PDZRN3: variants seen among roughly 807,000 people sequenced by gnomAD.
PDZRN3 encodes the protein PDZ domain containing ring finger 3, also known as E3 ubiquitin-protein ligase PDZRN3.
A neutral mutation model predicts 85.7 loss-of-function variants in PDZRN3; 38 were observed. The observed-to-expected ratio is 0.44, with a 90% CI of 0.34 to 0.58. PDZRN3 has a LOEUF of 0.58. Ranked by LOEUF, PDZRN3 falls within the 20% of genes least tolerant of loss-of-function variation. The probability of loss-of-function intolerance (pLI) is 0.01; values close to 1 mark genes in which losing one functional copy is unlikely to be tolerated. For missense variants in PDZRN3, 1,629 were observed against 1,506.4 expected (o/e 1.08, Z -1.35); for synonymous variants, 759 against 638.0 (o/e 1.19, Z -2.86).
chr3:73,624,788 T>G lies in PDZRN3; in HGVS notation c.38A>C (p.Asp13Ala). 7.1e-7 allele frequency: 1 copy of G among 1,407,490 alleles called. No homozygotes were observed. The highest frequency in any genetic ancestry group is 9.2e-7 in the Non-Finnish European group (1 of 1,083,546). The allele number at this position is 1,407,490 out of a possible 1,614,324, so 87.2% of individuals were successfully genotyped here. ...GCACAGCGCGCACTTCAGGTCCGGG[T>G]CCACGTCGCCGTCGAAGCGGTCCAG... ...FELDRFDGDV[D>A]PDLKCALCHK... is the part of the protein sequence containing the mutation. Residue 13 changes from aspartate (D) to alanine (A), a missense_variant, in exon 1 of 10, where the codon GAC (aspartate) becomes GCC (alanine). Asp to Ala is a moderately radical substitution (Grantham distance 126). Coordinates refer to ENST00000263666, the MANE Select transcript of PDZRN3 (RefSeq NM_015009.3).
chr3:73,489,067 G>A (rs1703719543), intron 3 of PDZRN3, among the ~76,000 whole-genome samples: 2 of 152,334 alleles, frequency 1.3e-5, no homozygotes, highest in South Asian at 4.1e-4. Flanking sequence ...AGGCCCTTGG[G>A]ATGGGGGAGA....
intron 3 of PDZRN3, among the ~76,000 whole-genome samples, chr3:73,545,676 G>A (rs1701405808): frequency 6.6e-6 from 1 of 152,208 alleles, no homozygotes; most frequent in Non-Finnish European, 1.5e-5. Flanking sequence ...CCAGTTTTGA[G>A]ACTCTATCAA....
chr3:73,593,709 T>TATACACACAC (rs1246145951), intron 3 of PDZRN3, among the ~76,000 whole-genome samples: 78 of 141,932 alleles, frequency 5.5e-4, no homozygotes, highest in Middle Eastern at 3.6e-3. Flanking sequence ...GAAATAAATA[T>TATACACACAC]ACACACACAC....
intron 3 of PDZRN3, among the ~76,000 whole-genome samples, chr3:73,460,589 T>C (rs1703083176): frequency 6.6e-6 from 1 of 152,234 alleles, no homozygotes; most frequent in Non-Finnish European, 1.5e-5. Flanking sequence ...AAATGTGGCC[T>C]CACCATTTTC....
At chr3:73,448,100 C>T (rs531046975) in intron 3 of PDZRN3, among the ~76,000 whole-genome samples, 3 of 152,316 alleles carry the variant, frequency 2.0e-5, no homozygotes, top group South Asian at 4.1e-4. Flanking sequence ...CCAAAAACAT[C>T]CTTCTCTTTC....
chr3:73,383,947 G>T lies in PDZRN3; in HGVS notation c.2619C>A (p.Ile873=), dbSNP rs751807250. Residue 873 remains isoleucine (I), a synonymous_variant, in exon 10 of 10, where the codon ATC becomes ATA. Transcript: ENST00000263666. ...YHHSPYKHAH[I]PAHAQHYQSY... ...TCTGGTAGTGCTGGGCGTGCGCCGG[G>T]ATGTGCGCGTGCTTGTATGGGGAGT... 3 of 1,603,880 alleles carry T rather than the reference G, an allele frequency of 1.9e-6. No homozygotes were observed. Among genetic ancestry groups the T allele is most frequent in the Middle Eastern group, 1.7e-4 (1 of 6,022 alleles).
Position 73,384,354 on chromosome 3 carries a change from G to A in PDZRN3, c.2212C>T (p.His738Tyr), listed in dbSNP as rs1208500885. ...NYNTSIDVRRHELSDITELPE... is the reference protein window; with the variant it reads ...NYNTSIDVRRYELSDITELPE... The stretch of plus-strand genomic sequence containing the variant: ...AGCTCGGTGATATCTGAGAGCTCGT[G>A]TCTGCGCACGTCGATGCTGGTGTTG... Residue 738 changes from histidine to tyrosine, a missense_variant, in exon 10 of 10, where the codon CAC (histidine) becomes TAC (tyrosine). Coordinates refer to ENST00000263666, the MANE Select transcript of PDZRN3 (RefSeq NM_015009.3). The A allele has an allele frequency of 1.2e-6, 2 of 1,609,582 alleles. No individual in the cohort carries two copies. The highest frequency in any genetic ancestry group is 1.7e-5 in the Admixed American group (1 of 60,012).
At chr3:73,399,029 A>G (rs1701696998) in intron 5 of PDZRN3, among the ~76,000 whole-genome samples, 1 of 152,162 alleles carries the variant, frequency 6.6e-6, no homozygotes. Context: ...GGCTCAGTGA[A>G]TCTCCTGAAA....
Position 73,389,830 on chromosome 3 carries a change from C to T in PDZRN3, c.1402G>A (p.Asp468Asn). Residue 468 changes from aspartate (D) to asparagine (N), a missense_variant, in exon 7 of 10, where the codon GAC becomes AAC. Asp to Asn is a conservative substitution (Grantham distance 23). Coordinates refer to ENST00000263666, the MANE Select transcript of PDZRN3 (RefSeq NM_015009.3). ...AGTGGACTTACCTGGATAATGCGGTCTCCTTCTCGGATGCGCCCATCCTTG... is the reference window on the plus strand; with the variant it reads ...AGTGGACTTACCTGGATAATGCGGTTTCCTTCTCGGATGCGCCCATCCTTG... ...AAKDGRIREGDRIIQINGIEV... is the reference protein window; with the variant it reads ...AAKDGRIREGNRIIQINGIEV... The T allele has an allele frequency of 6.2e-7, 1 of 1,613,378 alleles. No individual in the cohort carries two copies. The highest frequency in any genetic ancestry group is 8.5e-7 in the Non-Finnish European group (1 of 1,179,302).
chr3:73,464,840 A>T (rs369474190), intron 3 of PDZRN3, among the ~76,000 whole-genome samples: 14 of 152,130 alleles, frequency 9.2e-5, no homozygotes, highest in African/African-American at 3.1e-4. Flanking sequence ...TAATATATGC[A>T]TTACCTATCA....
At chr3:73,393,478 A>AT (rs1553683469) in intron 5 of PDZRN3, among the ~76,000 whole-genome samples, 18 of 152,354 alleles carry the variant, frequency 1.2e-4, no homozygotes, top group African/African-American at 4.1e-4. Context: ...CATGATTAGC[A>AT]GACTTGTCTC....
In PDZRN3 at chr3:73,527,369, T is replaced by C. The variant is rs554386679; in HGVS notation, c.918+74985A>G. 2.0e-5 allele frequency among the ~76,000 whole-genome samples: 3 copies of C among 152,302 alleles called. No individual in the cohort carries two copies. The South Asian group carries it at 6.2e-4, about 32-fold the overall frequency. On this transcript the variant is annotated intron_variant, in intron 3 of 9. Coordinates refer to ENST00000263666, the MANE Select transcript of PDZRN3 (RefSeq NM_015009.3). ...TATACTTCATCCTAGATCTTATCAA[T>C]TCAATATTGAAAATCCATTAGAAAC...
At chr3:73,460,639 T>C (rs759964698) in intron 3 of PDZRN3, among the ~76,000 whole-genome samples, 13 of 152,196 alleles carry the variant, frequency 8.5e-5, no homozygotes, top group South Asian at 6.2e-4. Context: ...AGTTATAGCA[T>C]TGAATATAGC....
intron 3 of PDZRN3, among the ~76,000 whole-genome samples, chr3:73,427,968 G>A (rs1170481552): frequency 1.3e-5 from 2 of 152,086 alleles, no homozygotes; most frequent in African/African-American, 4.8e-5. Context: ...TCCAGGGAGA[G>A]GGACATTTAA....
intron 1 of PDZRN3, among the ~76,000 whole-genome samples, chr3:73,611,718 C>A (rs1402322947): frequency 6.6e-6 from 1 of 152,182 alleles, no homozygotes; most frequent in Non-Finnish European, 1.5e-5. Flanking sequence ...TCTGGTTTTT[C>A]CTTTTCACTC....
intron 3 of PDZRN3, among the ~76,000 whole-genome samples, chr3:73,468,313 G>C (rs1368749572): frequency 6.6e-6 from 1 of 152,142 alleles, no homozygotes; most frequent in Non-Finnish European, 1.5e-5. Flanking sequence ...CTCCAGAAAA[G>C]AATGCAGCCA....
At chr3:73,385,438 C>T (rs370184260) in intron 9 of PDZRN3, among the ~76,000 whole-genome samples, 5 of 152,348 alleles carry the variant, frequency 3.3e-5, no homozygotes, top group African/African-American at 1.2e-4. Context: ...ATCAGAAGGT[C>T]AGCTTTGCTT....
At chr3:73,605,207 C>CAAA (rs767574608) in intron 2 of PDZRN3, among the ~76,000 whole-genome samples, 18 of 96,446 alleles carry the variant, frequency 1.9e-4, no homozygotes, top group African/African-American at 4.9e-4. Context: ...ACCCCCGTCT[C>CAAA]AAAAAAAAAA....
intron 5 of PDZRN3, among the ~76,000 whole-genome samples, chr3:73,398,943 G>C (rs906014379): frequency 6.6e-5 from 10 of 152,142 alleles, no homozygotes. Context: ...TAGAAAGCAC[G>C]TAAGAGTTCT....
Sources: allele counts gnomAD v4.1 joint callset (sites outside exome capture counted in the v4.1 genomes callset), GRCh38; gene constraint gnomAD v4.1.1; transcripts MANE v1.5; gene names NCBI Gene and HGNC (gene_info 2026-07-23, HGNC 2026-07-21).